Variants in CORO1C observed in about 807,000 individuals in gnomAD.
CORO1C encodes the protein coronin-1C.
A neutral mutation model predicts 51.2 loss-of-function variants in CORO1C; 14 were observed. That is an observed-to-expected ratio of 0.27 (90% CI 0.18 to 0.43). CORO1C has a LOEUF of 0.43. CORO1C is among the 20% of genes least tolerant of loss of function. The pLI is 1.00. For missense variants in CORO1C, 417 were observed against 607.8 expected (o/e 0.69, Z 3.30); for synonymous variants, 181 against 210.5 (o/e 0.86, Z 1.21).
chr12:108,679,985 G>T (rs748662898), intron 2 of CORO1C, among the ~76,000 whole-genome samples: 5 of 152,148 alleles, frequency 3.3e-5, no homozygotes, highest in Non-Finnish European at 7.3e-5. Context: ...ACAGTATCTG[G>T]AATAAAATAT....
chr12:108,694,669 A>G (rs1310392589), intron 2 of CORO1C, among the ~76,000 whole-genome samples: 1 of 152,244 alleles, frequency 6.6e-6, no homozygotes, highest in Non-Finnish European at 1.5e-5. Context: ...TGAAGGTACC[A>G]TGGAATACAG....
intron 1 of CORO1C, among the ~76,000 whole-genome samples, chr12:108,709,129 A>C (rs560080300): frequency 6.6e-6 from 1 of 152,108 alleles, no homozygotes; most frequent in African/African-American, 2.4e-5. Context: ...TTATATATAT[A>C]TACTATAAAC....
At chr12:108,652,853 T>TTGAG (rs60138475) in intron 7 of CORO1C, among the ~76,000 whole-genome samples, 1 of 151,866 alleles carries the variant, frequency 6.6e-6, no homozygotes, top group Admixed American at 6.6e-5. Flanking sequence ...GTTATGCCAG[T>TTGAG]ATGATGATAA....
intron 2 of CORO1C, among the ~76,000 whole-genome samples, chr12:108,679,586 AT>A (rs1282725158): frequency 2.0e-5 from 3 of 152,214 alleles, no homozygotes; most frequent in Admixed American, 2.0e-4. Context: ...GGCTTAATCT[AT>A]TTTTTGTTGT....
intron 1 of CORO1C, among the ~76,000 whole-genome samples, chr12:108,725,444 G>A (rs2035565315): frequency 1.3e-5 from 2 of 152,198 alleles, no homozygotes; most frequent in African/African-American, 2.4e-5. Context: ...CAATGACCCT[G>A]CAAGGTAAGC....
chr12:108,649,200 C>T (rs1268303586), intron 8 of CORO1C, 180 bp from the exon 9 acceptor site: 31 of 670,822 alleles, frequency 4.6e-5, no homozygotes, highest in Non-Finnish European at 6.8e-5. Flanking sequence ...GATGAGAGAA[C>T]GGAAGCTGAG....
intron 1 of CORO1C, chr12:108,701,534 T>C (rs1255865797): frequency 3.1e-6 from 2 of 637,808 alleles, no homozygotes; most frequent in Non-Finnish European, 2.6e-6. Flanking sequence ...TACAAAGAAA[T>C]GAAAAATTCC....
chr12:108,669,334 T>C (rs1320838204), intron 3 of CORO1C, among the ~76,000 whole-genome samples: 1 of 152,238 alleles, frequency 6.6e-6, no homozygotes, highest in Non-Finnish European at 1.5e-5. Context: ...ACTGTATTTT[T>C]CTATGAAATG....
intron 5 of CORO1C, among the ~76,000 whole-genome samples, chr12:108,657,649 C>G (rs1774408072): frequency 1.3e-5 from 2 of 152,226 alleles, no homozygotes; most frequent in South Asian, 4.1e-4. Context: ...GGATTTAACT[C>G]AGAAGACTCG....
At chr12:108,688,200 C>T (rs771528094) in intron 2 of CORO1C, among the ~76,000 whole-genome samples, 4 of 152,074 alleles carry the variant, frequency 2.6e-5, no homozygotes, top group Non-Finnish European at 5.9e-5. Flanking sequence ...TGTGAGCCAC[C>T]GTGCCCAGCC....
chr12:108,670,936 C>T (rs1348544912), intron 3 of CORO1C, among the ~76,000 whole-genome samples: 1 of 150,130 alleles, frequency 6.7e-6, no homozygotes. Context: ...CAAGAAAGAA[C>T]ACAAGAGCAA....
rs34182326 is a variant in CORO1C, at chr12:108,714,397, C to CAAAA, written c.-5-13078_-5-13075dup. Among the ~76,000 whole-genome samples the CAAAA allele has an allele frequency of 2.5e-4, 24 of 94,948 alleles. No homozygotes were observed. In the East Asian group the frequency reaches 2.9e-3, roughly 12 times the overall value. 62.3% of individuals were successfully genotyped at this position (94,948 alleles called of 152,430 possible). The stretch of plus-strand genomic sequence containing the variant: ...CTGGCAACAGAGCGAGAGTCAGTCT[C>CAAAA]AAAAAAAAAAAAAAAAAAGAGGAAC... On this transcript the variant is annotated intron_variant, in intron 1 of 10. Coordinates refer to ENST00000261401, the MANE Select transcript of CORO1C (RefSeq NM_014325.4).
chr12:108,674,543 G>A (rs796132360), intron 3 of CORO1C, among the ~76,000 whole-genome samples: 33 of 130,696 alleles, frequency 2.5e-4, no homozygotes, highest in African/African-American at 7.2e-4. Flanking sequence ...GCGAGACTCC[G>A]TCTCAATTTA....
At chr12:108,718,495 T>C (rs1233233546) in intron 1 of CORO1C, among the ~76,000 whole-genome samples, 1 of 151,916 alleles carries the variant, frequency 6.6e-6, no homozygotes, top group African/African-American at 2.4e-5. Flanking sequence ...TGAGCAGAGA[T>C]CATGCCACTG....
intron 3 of CORO1C, among the ~76,000 whole-genome samples, chr12:108,666,801 T>G (rs1166671309): frequency 6.6e-6 from 1 of 152,050 alleles, no homozygotes; most frequent in Non-Finnish European, 1.5e-5. Flanking sequence ...TACTCAGGGG[T>G]TATTAGAAGG....
chr12:108,715,904 C>T lies in CORO1C; in HGVS notation c.-5-14581G>A, dbSNP rs898730435. 5.9e-5 allele frequency among the ~76,000 whole-genome samples: 9 copies of T among 151,820 alleles called. No homozygotes were observed. The South Asian group carries it at 8.3e-4, about 14-fold the overall frequency. On this transcript the variant is annotated intron_variant, in intron 1 of 10. Coordinates refer to ENST00000261401, the MANE Select transcript of CORO1C (RefSeq NM_014325.4). ...ATCCCAGCACTTTGGGAGGCCGAGG[C>T]GGGTGGATCACAAGGTCAGGAAATG...
At chr12:108,654,174 C>T (rs1395679601) in intron 7 of CORO1C, 132 bp downstream of exon 7, 2 of 640,694 alleles carry the variant, frequency 3.1e-6, no homozygotes, top group African/African-American at 3.6e-5. Context: ...ATTATCTGTC[C>T]TTGGCTTATA....
intron 1 of CORO1C, among the ~76,000 whole-genome samples, chr12:108,711,936 A>C (rs2035192684): frequency 6.6e-6 from 1 of 152,152 alleles, no homozygotes; most frequent in African/African-American, 2.4e-5. Context: ...GTTCATATGA[A>C]AGGAAACACA....
chr12:108,698,908 A>G (rs2034776598), intron 2 of CORO1C, among the ~76,000 whole-genome samples: 1 of 152,218 alleles, frequency 6.6e-6, no homozygotes, highest in Non-Finnish European at 1.5e-5. Context: ...TTTAATACAC[A>G]AAAATCTCAC....
Sources: gnomAD v4.1 joint callset for allele counts (sites outside exome capture counted in the v4.1 genomes callset) on GRCh38, gnomAD v4.1.1 for gene constraint, MANE v1.5 for transcripts, NCBI Gene and HGNC (gene_info 2026-07-23, HGNC 2026-07-21) for gene names.